The following FILIP1 variants were observed in gnomAD, a reference collection of about 807,000 sequenced individuals.
The protein encoded by FILIP1 is filamin A interacting protein 1.
FILIP1 carries 61 observed loss-of-function variants against 102.1 expected under a neutral mutation model. That is an observed-to-expected ratio of 0.60 (90% CI 0.49 to 0.74). FILIP1 has a LOEUF of 0.74. Among genes scored for constraint, FILIP1 ranks in the 30% least tolerant of loss-of-function variants. The pLI is 0.00. For missense variants in FILIP1, 1,314 were observed against 1,441.2 expected (o/e 0.91, Z 1.43); for synonymous variants, 491 against 526.9 (o/e 0.93, Z 0.93).
intron 1 of FILIP1, among the ~76,000 whole-genome samples, chr6:75,463,789 A>G (rs2149754203): frequency 6.6e-6 from 1 of 152,330 alleles, no homozygotes; most frequent in African/African-American, 2.4e-5. Context: ...GCTCAGAGTC[A>G]GTGAACTTTT....
At chr6:75,409,969 C>A (rs1777006516) in intron 2 of FILIP1, among the ~76,000 whole-genome samples, 1 of 152,164 alleles carries the variant, frequency 6.6e-6, no homozygotes, top group Non-Finnish European at 1.5e-5. Flanking sequence ...AGACCTTAGC[C>A]CCTGAATTCT....
intron 2 of FILIP1, among the ~76,000 whole-genome samples, chr6:75,391,201 C>T (rs755713571): frequency 6.6e-6 from 1 of 151,988 alleles, no homozygotes; most frequent in Non-Finnish European, 1.5e-5. Context: ...CCTTCTCATT[C>T]AGCTTAAATT....
intron 4 of FILIP1, among the ~76,000 whole-genome samples, chr6:75,324,235 T>C (rs1477299181): frequency 6.6e-6 from 1 of 151,634 alleles, no homozygotes; most frequent in African/African-American, 2.4e-5. Flanking sequence ...TCAGTAGCAC[T>C]GCTATACACC....
At chr6:75,446,848 A>G (rs1778458599) in intron 1 of FILIP1, among the ~76,000 whole-genome samples, 2 of 152,158 alleles carry the variant, frequency 1.3e-5, no homozygotes, top group Non-Finnish European at 2.9e-5. Context: ...GATTTTTTAC[A>G]CACAATGTGG....
chr6:75,473,272 A>C (rs1314242815), intron 1 of FILIP1, among the ~76,000 whole-genome samples: 2 of 152,226 alleles, frequency 1.3e-5, no homozygotes, highest in Non-Finnish European at 2.9e-5. Context: ...GAAATGTTAC[A>C]GAGTGAGATA....
At chr6:75,365,968 G>A (rs774289764) in intron 2 of FILIP1, 14 of 151,992 alleles carry the variant, frequency 9.2e-5, no homozygotes, top group Non-Finnish European at 1.9e-4. Context: ...CACAAAGAAG[G>A]GTATAAAACA....
chr6:75,444,860 A>C (rs947914629), intron 1 of FILIP1, among the ~76,000 whole-genome samples: 2 of 152,220 alleles, frequency 1.3e-5, no homozygotes, highest in African/African-American at 4.8e-5. Context: ...ACAGGTAATA[A>C]AATTTCAGAC....
At chr6:75,443,080 A>G (rs188439093) in intron 1 of FILIP1, among the ~76,000 whole-genome samples, 5 of 152,212 alleles carry the variant, frequency 3.3e-5, no homozygotes, top group African/African-American at 1.2e-4. Flanking sequence ...TTATTTGTCC[A>G]ATTTTTAGAT....
At chr6:75,449,679 C>T (rs1562615782) in intron 1 of FILIP1, among the ~76,000 whole-genome samples, 1 of 151,890 alleles carries the variant, frequency 6.6e-6, no homozygotes, top group Non-Finnish European at 1.5e-5. Context: ...AAGAGTAGGA[C>T]ATTGAAGGAA....
At chr6:75,307,804 ATTAAGATAT>A (rs2149539484), downstream of FILIP1, among the ~76,000 whole-genome samples, 1 of 152,336 alleles carries the variant, frequency 6.6e-6, no homozygotes, top group African/African-American at 2.4e-5. Context: ...TTTGAATTCA[ATTAAGATAT>A]GCATGATGTC....
chr6:75,414,553 C>T (rs1160575362), intron 2 of FILIP1, 144 bp downstream of exon 2: 4 of 781,966 alleles, frequency 5.1e-6, no homozygotes, highest in Non-Finnish European at 8.2e-6. Flanking sequence ...AAACTTGTGC[C>T]AGGCACTAGG....
At chr6:75,362,521 T>C (rs1775201576) in intron 3 of FILIP1, among the ~76,000 whole-genome samples, 1 of 152,162 alleles carries the variant, frequency 6.6e-6, no homozygotes, top group Non-Finnish European at 1.5e-5. Flanking sequence ...CATGGAAAAA[T>C]ATATTTCAGG....
intron 2 of FILIP1, among the ~76,000 whole-genome samples, chr6:75,389,058 T>C (rs2149653862): frequency 6.6e-6 from 1 of 152,282 alleles, no homozygotes; most frequent in East Asian, 1.9e-4. Flanking sequence ...AACACCTAGT[T>C]TATTGAGAGT....
intron 6 of FILIP1, among the ~76,000 whole-genome samples, chr6:75,302,790 T>A (rs1772872276): frequency 6.6e-6 from 1 of 151,168 alleles, no homozygotes; most frequent in South Asian, 2.1e-4. Context: ...TTGGGCGGTT[T>A]TCAAATAGAG....
At chr6:75,315,668 TATC>T (rs1210572767) in intron 4 of FILIP1, among the ~76,000 whole-genome samples, 2 of 152,240 alleles carry the variant, frequency 1.3e-5, no homozygotes, top group African/African-American at 4.8e-5. Flanking sequence ...GTATTGCTAC[TATC>T]ATCACCATGA....
At chr6:75,310,362 C>T (rs1773141228) in intron 5 of FILIP1, among the ~76,000 whole-genome samples, 1 of 152,244 alleles carries the variant, frequency 6.6e-6, no homozygotes, top group Non-Finnish European at 1.5e-5. Context: ...CTTCTACAGT[C>T]CTGGCTTCCC....
At chr6:75,397,351 C>T (rs1214928917) in intron 2 of FILIP1, among the ~76,000 whole-genome samples, 1 of 151,686 alleles carries the variant, frequency 6.6e-6, no homozygotes, top group Non-Finnish European at 1.5e-5. Flanking sequence ...CACTCACATG[C>T]TTATCCTTTC....
At chr6:75,390,228 T>A (rs1213746027) in intron 2 of FILIP1, among the ~76,000 whole-genome samples, 1 of 152,182 alleles carries the variant, frequency 6.6e-6, no homozygotes, top group Non-Finnish European at 1.5e-5. Context: ...GGGGTAGATT[T>A]TCCTCCTTGC....
At chr6:75,307,104 C>G (rs1158060008), downstream of FILIP1, among the ~76,000 whole-genome samples, 1 of 152,136 alleles carries the variant, frequency 6.6e-6, no homozygotes, top group African/African-American at 2.4e-5. Flanking sequence ...TGCCTAGCTA[C>G]TCAACATTTT....
Sources: gnomAD v4.1 joint callset for allele counts (sites outside exome capture counted in the v4.1 genomes callset) on GRCh38, gnomAD v4.1.1 for gene constraint, MANE v1.5 for transcripts, NCBI Gene and HGNC (gene_info 2026-07-23, HGNC 2026-07-21) for gene names.